FAM13B: variants seen among roughly 807,000 people sequenced by gnomAD.
The protein encoded by FAM13B is protein FAM13B.
Under a neutral mutation model 117.3 loss-of-function variants are expected in FAM13B, and 60 were observed. The ratio of observed to expected loss-of-function variants is 0.51; its 90% CI spans 0.42 to 0.63. FAM13B has a LOEUF of 0.63. FAM13B is among the 30% of genes least tolerant of loss of function. FAM13B has a pLI of 0.00. For synonymous variants in FAM13B, 332 were observed against 356.1 expected, an observed-to-expected ratio of 0.93 and a Z score of 0.76; for missense variants, 972 against 1,091.9, an observed-to-expected ratio of 0.89 and a Z score of 1.55.
chr5:137,959,756 C>T lies in FAM13B; in HGVS notation c.1301G>A (p.Ser434Asn), dbSNP rs139240453. The T allele has an allele frequency of 1.1e-3, 1,706 of 1,613,456 alleles. 2 individuals carry two copies. The highest frequency in any genetic ancestry group is 1.3e-3 in the Non-Finnish European group (1,591 of 1,179,626). Residue 434 changes from serine to asparagine, a missense_variant, in exon 13 of 24, where the codon AGT (serine) becomes AAT (asparagine). Coordinates refer to ENST00000689681, the MANE Select transcript of FAM13B (RefSeq NM_001385994.1). ...GGCATTCAAATCACATATCTTGCTA[C>T]TAGAATCCTGTATTTTAAAATAAAG... ...DKLSHLILDS[S>N]SKICDLNANT...
chr5:137,975,434 C>T (rs571663482), intron 10 of FAM13B, among the ~76,000 whole-genome samples: 40 of 152,178 alleles, frequency 2.6e-4, no homozygotes, highest in Non-Finnish European at 5.1e-4. Flanking sequence ...TGTCACTTAA[C>T]GTACCTTCCT....
intron 4 of FAM13B, among the ~76,000 whole-genome samples, chr5:138,016,913 C>A (rs1785396634): frequency 6.6e-6 from 1 of 152,086 alleles, no homozygotes; most frequent in Admixed American, 6.6e-5. Context: ...AAAACCTTTA[C>A]CATATTGGTT....
At chr5:138,006,009 C>T (rs989708533) in intron 7 of FAM13B, among the ~76,000 whole-genome samples, 1 of 151,954 alleles carries the variant, frequency 6.6e-6, no homozygotes, top group East Asian at 1.9e-4. Flanking sequence ...TGCCATTCTC[C>T]TGCCTCAGCC....
At chr5:138,051,545 T>C (rs1791800621) in intron 1 of FAM13B, among the ~76,000 whole-genome samples, 1 of 152,164 alleles carries the variant, frequency 6.6e-6, no homozygotes, top group African/African-American at 2.4e-5. Flanking sequence ...TGCGGTTGAG[T>C]GTTATGCTTC....
At chr5:137,982,815 C>T (rs1272225282) in intron 10 of FAM13B, among the ~76,000 whole-genome samples, 3 of 152,140 alleles carry the variant, frequency 2.0e-5, no homozygotes, top group Non-Finnish European at 4.4e-5. Context: ...AATAAATGTG[C>T]ATGCTTTTCT....
chr5:137,988,742 A>T (rs1049754039), intron 7 of FAM13B, among the ~76,000 whole-genome samples: 5 of 152,248 alleles, frequency 3.3e-5, no homozygotes, highest in African/African-American at 1.2e-4. Context: ...ATTAACAAAG[A>T]TGCTCTACTG....
At chr5:137,989,018 T>C (rs1215897514) in intron 7 of FAM13B, among the ~76,000 whole-genome samples, 1 of 152,210 alleles carries the variant, frequency 6.6e-6, no homozygotes, top group Admixed American at 6.5e-5. Context: ...TGAATACAGG[T>C]AATTTTTAAA....
rs577218524 is a variant in FAM13B at position 138,019,494 on chromosome 5, A to C, written c.-35-348T>G. The stretch of plus-strand genomic sequence containing the variant: ...TTTACTGAACAAGCTTATTAATGAC[A>C]CAGGTAAATCCAAACCCGTTCTGGA... On this transcript the variant is annotated intron_variant, in intron 2 of 23. Transcript: ENST00000689681. 2.9e-4 allele frequency among the ~76,000 whole-genome samples: 44 copies of C among 152,356 alleles called. 1 individual carries two copies. The highest frequency in any genetic ancestry group is 8.3e-4 in the South Asian group (4 of 4,830).
intron 7 of FAM13B, among the ~76,000 whole-genome samples, chr5:137,988,616 T>G (rs1777829499): frequency 6.6e-6 from 1 of 152,230 alleles, no homozygotes; most frequent in Admixed American, 6.5e-5. Context: ...TTAATAACTT[T>G]CAATACCCAA....
intron 1 of FAM13B, among the ~76,000 whole-genome samples, chr5:138,046,902 C>T (rs1429829757): frequency 1.3e-5 from 2 of 152,044 alleles, no homozygotes; most frequent in East Asian, 2.0e-4. Flanking sequence ...CCCACCACCA[C>T]GCCCAGCTAA....
chr5:137,995,051 C>G (rs1451161810), intron 7 of FAM13B, among the ~76,000 whole-genome samples: 1 of 152,224 alleles, frequency 6.6e-6, no homozygotes, highest in East Asian at 1.9e-4. Flanking sequence ...TCTGAATACC[C>G]TGGCACCTTC....
chr5:138,031,260 A>G (rs577650848), intron 1 of FAM13B, among the ~76,000 whole-genome samples: 2 of 152,194 alleles, frequency 1.3e-5, no homozygotes, highest in East Asian at 1.9e-4. Context: ...ACACCACCCA[A>G]TGAATTATGC....
At chr5:138,045,286 C>T (rs1467208073) in intron 1 of FAM13B, among the ~76,000 whole-genome samples, 2 of 152,122 alleles carry the variant, frequency 1.3e-5, no homozygotes, top group African/African-American at 4.8e-5. Flanking sequence ...GTAATCCTAG[C>T]CCTTTGGGAG....
chr5:138,045,788 T>C (rs1245722383), intron 1 of FAM13B, among the ~76,000 whole-genome samples: 1 of 151,374 alleles, frequency 6.6e-6, no homozygotes, highest in Non-Finnish European at 1.5e-5. Flanking sequence ...GTACTAAAAA[T>C]ACAAAAATTA....
chr5:137,962,668 T>C (rs546681142), intron 10 of FAM13B, among the ~76,000 whole-genome samples, 199 bp from the exon 11 acceptor site: 4 of 152,166 alleles, frequency 2.6e-5, no homozygotes, highest in Non-Finnish European at 5.9e-5. Context: ...TCATATGAAG[T>C]ATAGCAGGTA....
chr5:137,965,999 T>C (rs1390792588), intron 10 of FAM13B, among the ~76,000 whole-genome samples: 3 of 152,004 alleles, frequency 2.0e-5, no homozygotes, highest in African/African-American at 7.3e-5. Flanking sequence ...TCCCAAAATA[T>C]TGATTACTGT....
intron 10 of FAM13B, among the ~76,000 whole-genome samples, chr5:137,968,147 G>A (rs547564168): frequency 9.9e-5 from 15 of 151,326 alleles, no homozygotes; most frequent in African/African-American, 2.4e-4. Context: ...GCTTGAACCC[G>A]GGAGGCAGAG....
At chr5:138,012,664 G>A (rs1433119631) in intron 4 of FAM13B, among the ~76,000 whole-genome samples, 1 of 152,146 alleles carries the variant, frequency 6.6e-6, no homozygotes, top group African/African-American at 2.4e-5. Context: ...ACTAATTGGT[G>A]AGGATCCCAT....
chr5:137,990,188 T>C (rs189470102), intron 7 of FAM13B, among the ~76,000 whole-genome samples: 7 of 152,374 alleles, frequency 4.6e-5, no homozygotes. Flanking sequence ...TTATTTTCCT[T>C]GATAATATTT....
Sources: allele counts gnomAD v4.1 joint callset (sites outside exome capture counted in the v4.1 genomes callset), GRCh38; gene constraint gnomAD v4.1.1; transcripts MANE v1.5; gene names NCBI Gene and HGNC (gene_info 2026-07-23, HGNC 2026-07-21).